EYS: variants seen among roughly 807,000 people sequenced by gnomAD.
The protein encoded by EYS is protein eyes shut homolog.
EYS carries 250 observed loss-of-function variants against 282.1 expected under a neutral mutation model. The observed-to-expected ratio is 0.89, with a 90% confidence interval of 0.80 to 0.98. EYS has a LOEUF of 0.98. Among genes scored for constraint, EYS ranks in the 50% least tolerant of loss-of-function variants. The pLI is 0.00. For missense variants in EYS, 4,016 were observed against 3,709.0 expected, an observed-to-expected ratio of 1.08 and a Z score of -2.15; for synonymous variants, 1,355 against 1,282.9, an observed-to-expected ratio of 1.06 and a Z score of -1.20.
At chr6:64,675,981 A>G (rs1464818963) in intron 22 of EYS, among the ~76,000 whole-genome samples, 1 of 149,764 alleles carries the variant, frequency 6.7e-6, no homozygotes, top group Non-Finnish European at 1.5e-5. Flanking sequence ...TGATCGATAG[A>G]TCTATATATG....
At chr6:64,135,097 C>A (rs1774116052) in intron 31 of EYS, among the ~76,000 whole-genome samples, 1 of 151,948 alleles carries the variant, frequency 6.6e-6, no homozygotes, top group Admixed American at 6.6e-5. Context: ...AAGTAAGGAG[C>A]TGAGTGAGGG....
chr6:64,598,250 G>A (rs1002920894), intron 24 of EYS, among the ~76,000 whole-genome samples: 2 of 152,206 alleles, frequency 1.3e-5, no homozygotes, highest in Non-Finnish European at 2.9e-5. Flanking sequence ...CACAAGGTCA[G>A]GAGATCGAGA....
At chr6:65,225,110 C>G (rs1299162426) in intron 12 of EYS, among the ~76,000 whole-genome samples, 6 of 151,538 alleles carry the variant, frequency 4.0e-5, no homozygotes, top group African/African-American at 1.5e-4. Flanking sequence ...CAAAGTCAAA[C>G]AAAAGGAACA....
intron 26 of EYS, among the ~76,000 whole-genome samples, chr6:64,445,565 A>G (rs913870685): frequency 6.6e-6 from 1 of 152,138 alleles, no homozygotes; most frequent in African/African-American, 2.4e-5. Context: ...GAAGTTCAAG[A>G]ATAGGGTGGG....
chr6:64,732,603 A>G (rs998632835), intron 22 of EYS, among the ~76,000 whole-genome samples: 2 of 152,192 alleles, frequency 1.3e-5, no homozygotes, highest in Non-Finnish European at 2.9e-5. Flanking sequence ...CTGTATACCT[A>G]GTGGCGTATA....
At chr6:64,594,402 T>C (rs150853134) in intron 24 of EYS, among the ~76,000 whole-genome samples, 2,310 of 152,146 alleles carry the variant, frequency 0.015, 49 homozygotes, top group African/African-American at 0.052. Context: ...TACTCAGTAA[T>C]GGGATGGCTG....
chr6:64,363,965 T>A (rs1414644388), intron 29 of EYS, among the ~76,000 whole-genome samples: 1 of 151,946 alleles, frequency 6.6e-6, no homozygotes, highest in Non-Finnish European at 1.5e-5. Flanking sequence ...ACATTTTTAA[T>A]AGCTGGCCCA....
intron 33 of EYS, among the ~76,000 whole-genome samples, chr6:64,012,662 A>T (rs1768693571): frequency 6.6e-6 from 1 of 152,186 alleles, no homozygotes; most frequent in African/African-American, 2.4e-5. Flanking sequence ...TGGCTGGGTA[A>T]GCAAATTTAA....
chr6:64,832,170 A>C (rs1268770344), intron 19 of EYS, among the ~76,000 whole-genome samples: 2 of 151,970 alleles, frequency 1.3e-5, no homozygotes, highest in African/African-American at 4.8e-5. Flanking sequence ...AAATATTGTC[A>C]AAACTTATAA....
At chr6:64,028,144 T>A (rs1769626995) in intron 33 of EYS, among the ~76,000 whole-genome samples, 2 of 152,188 alleles carry the variant, frequency 1.3e-5, no homozygotes, top group African/African-American at 4.8e-5. Flanking sequence ...TACATGAATA[T>A]GGGGAACAAG....
At chr6:63,934,445 C>T (rs902832680) in intron 35 of EYS, among the ~76,000 whole-genome samples, 13 of 151,952 alleles carry the variant, frequency 8.6e-5, no homozygotes, top group South Asian at 2.1e-4. Flanking sequence ...AAGACACATG[C>T]GCACGTATGT....
At chr6:65,442,966 A>C (rs1039518310) in intron 5 of EYS, among the ~76,000 whole-genome samples, 1 of 151,712 alleles carries the variant, frequency 6.6e-6, no homozygotes, top group African/African-American at 2.4e-5. Flanking sequence ...ACATATGTAC[A>C]TATATGTATA....
At chr6:64,964,760 A>G (rs1770037798) in intron 14 of EYS, among the ~76,000 whole-genome samples, 1 of 152,140 alleles carries the variant, frequency 6.6e-6, no homozygotes, top group African/African-American at 2.4e-5. Flanking sequence ...GGCTGGGTGC[A>G]GTTGCTCACA....
At chr6:64,157,572 C>T (rs1400068132) in intron 31 of EYS, among the ~76,000 whole-genome samples, 3 of 152,154 alleles carry the variant, frequency 2.0e-5, no homozygotes, top group Non-Finnish European at 2.9e-5. Context: ...GGTCCAGAGT[C>T]CCCATGCTGT....
intron 2 of EYS, among the ~76,000 whole-genome samples, chr6:65,630,692 C>T (rs967251888): frequency 5.9e-5 from 9 of 152,186 alleles, no homozygotes; most frequent in African/African-American, 2.2e-4. Flanking sequence ...ATCACAGTGT[C>T]ATTGTCAGTT....
chr6:64,545,457 G>T (rs1338135913), intron 26 of EYS, among the ~76,000 whole-genome samples: 1 of 152,172 alleles, frequency 6.6e-6, no homozygotes, highest in African/African-American at 2.4e-5. Flanking sequence ...TTGAAAACTG[G>T]CACAAGACAG....
chr6:65,373,985 C>A (rs1182720920), intron 8 of EYS, among the ~76,000 whole-genome samples: 1 of 152,022 alleles, frequency 6.6e-6, no homozygotes, highest in African/African-American at 2.4e-5. Flanking sequence ...ATATAAACTG[C>A]GTATGCTTTT....
chr6:64,066,211 G>A, intron 33 of EYS, 127 bp downstream of exon 33: 2 of 737,040 alleles, frequency 2.7e-6, no homozygotes, highest in Non-Finnish European at 4.3e-6. Context: ...CCGGGAGGCG[G>A]AGGTTGTAGT....
intron 12 of EYS, among the ~76,000 whole-genome samples, chr6:65,091,109 A>G (rs1415392660): frequency 6.6e-6 from 1 of 151,940 alleles, no homozygotes; most frequent in East Asian, 1.9e-4. Flanking sequence ...ATTCTGGATT[A>G]GGAGAAATTT....
Sources: allele counts gnomAD v4.1 joint callset (sites outside exome capture counted in the v4.1 genomes callset), GRCh38; gene constraint gnomAD v4.1.1; transcripts MANE v1.5; gene names NCBI Gene and HGNC (gene_info 2026-07-23, HGNC 2026-07-21).